STK39: variants seen among roughly 807,000 people sequenced by gnomAD.
STK39 encodes the protein serine/threonine kinase 39, also known as STE20/SPS1-related proline-alanine-rich protein kinase.
In STK39, 20 loss-of-function variants were observed where a neutral mutation model predicts 77.8. The ratio of observed to expected loss-of-function variants is 0.26; its 90% confidence interval spans 0.18 to 0.37. STK39 has a LOEUF of 0.37. Among genes scored for constraint, STK39 ranks in the 10% least tolerant of loss-of-function variants. The pLI is 1.00. For missense variants in STK39, 479 were observed against 656.5 expected, an observed-to-expected ratio of 0.73 and a Z score of 2.95; for synonymous variants, 246 against 234.1, an observed-to-expected ratio of 1.05 and a Z score of -0.47.
At chr2:168,058,736 C>T (rs1024250547) in intron 14 of STK39, among the ~76,000 whole-genome samples, 6 of 152,240 alleles carry the variant, frequency 3.9e-5, no homozygotes, top group African/African-American at 1.4e-4. Context: ...TAATTGCTTA[C>T]CACTTCCGTT....
At chr2:168,001,014 G>C (rs1004382965) in intron 16 of STK39, among the ~76,000 whole-genome samples, 11 of 152,106 alleles carry the variant, frequency 7.2e-5, no homozygotes, top group African/African-American at 2.7e-4. Context: ...GTGTCAGAAG[G>C]GTACACTGGC....
intron 10 of STK39, among the ~76,000 whole-genome samples, chr2:168,096,518 A>G (rs1346944686): frequency 6.6e-6 from 1 of 152,224 alleles, no homozygotes; most frequent in Non-Finnish European, 1.5e-5. Flanking sequence ...TCTACCCTGG[A>G]AAAACAAAAC....
chr2:168,196,121 C>G (rs1242573556), intron 1 of STK39, among the ~76,000 whole-genome samples: 2 of 152,234 alleles, frequency 1.3e-5, no homozygotes, highest in Non-Finnish European at 2.9e-5. Context: ...TATAATAATG[C>G]CTTCCTCACA....
chr2:168,033,405 C>T (rs1354929321), intron 14 of STK39, among the ~76,000 whole-genome samples: 2 of 152,202 alleles, frequency 1.3e-5, no homozygotes, highest in East Asian at 3.8e-4. Context: ...ACTATTCCTC[C>T]TGAGCAGTGA....
intron 10 of STK39, among the ~76,000 whole-genome samples, chr2:168,129,226 G>A (rs1036098311): frequency 6.6e-6 from 1 of 152,098 alleles, no homozygotes; most frequent in Non-Finnish European, 1.5e-5. Context: ...AAAACCCAAA[G>A]GAAAGACGTT....
chr2:168,223,702 T>TG (rs1690235214), intron 1 of STK39, among the ~76,000 whole-genome samples: 1 of 152,030 alleles, frequency 6.6e-6, no homozygotes, highest in Non-Finnish European at 1.5e-5. Context: ...TCCAAGTCTC[T>TG]GCCTCCTGAT....
At chr2:168,037,526 C>T (rs958578846) in intron 14 of STK39, among the ~76,000 whole-genome samples, 20 of 151,958 alleles carry the variant, frequency 1.3e-4, no homozygotes, top group African/African-American at 2.2e-4. Context: ...TTTATGGTGG[C>T]GAAAATCTGG....
At chr2:168,072,505 C>A (rs1307860695) in intron 12 of STK39, among the ~76,000 whole-genome samples, 1 of 152,164 alleles carries the variant, frequency 6.6e-6, no homozygotes, top group African/African-American at 2.4e-5. Flanking sequence ...TTGTAACAAA[C>A]CACATAATTT....
chr2:167,955,637 C>A, intron 17 of STK39, 67 bp from the exon 18 acceptor site: 1 of 1,515,072 alleles, frequency 6.6e-7, no homozygotes, highest in Non-Finnish European at 9.1e-7. Flanking sequence ...AGTCTTGTTC[C>A]TATGATGGCA....
chr2:168,079,690 A>G lies in STK39; in HGVS notation c.1090-4459T>C, dbSNP rs117202535. ...CACAAAATCAGAATCTTCCTTTTCA[A>G]TAAGATCCCCCAGGGGTCATATTCT... On this transcript the variant is annotated intron_variant, in intron 10 of 17. Coordinates refer to ENST00000355999, the MANE Select transcript of STK39 (RefSeq NM_013233.3). Among the ~76,000 whole-genome samples, 443 of 152,358 alleles carry G rather than the reference A, an allele frequency of 2.9e-3. 5 individuals are homozygous for G. The highest frequency in any genetic ancestry group is 0.015 in the East Asian group (76 of 5,190).
intron 1 of STK39, among the ~76,000 whole-genome samples, chr2:168,186,225 C>A (rs1211854935): frequency 6.6e-6 from 1 of 152,144 alleles, no homozygotes; most frequent in East Asian, 1.9e-4. Context: ...TGTTTACAAG[C>A]CAGCAAGAGA....
intron 1 of STK39, among the ~76,000 whole-genome samples, chr2:168,228,032 G>C (rs1274577122): frequency 6.6e-6 from 1 of 152,042 alleles, no homozygotes; most frequent in Non-Finnish European, 1.5e-5. Flanking sequence ...GAAGACAAAA[G>C]GCAAAGTATA....
chr2:168,172,377 C>A (rs1303215845), intron 2 of STK39, among the ~76,000 whole-genome samples: 1 of 152,126 alleles, frequency 6.6e-6, no homozygotes, highest in African/African-American at 2.4e-5. Context: ...ATGGATAGGT[C>A]ATTTGGTCAT....
intron 2 of STK39, among the ~76,000 whole-genome samples, chr2:168,170,233 A>G (rs1028662150): frequency 3.9e-5 from 6 of 152,154 alleles, no homozygotes; most frequent in African/African-American, 7.2e-5. Context: ...GTAACAATCT[A>G]TTGGTTAAAT....
intron 1 of STK39, among the ~76,000 whole-genome samples, chr2:168,245,814 A>G (rs1394430200): frequency 6.6e-6 from 1 of 152,252 alleles, no homozygotes; most frequent in African/African-American, 2.4e-5. Flanking sequence ...ATGAAGACTC[A>G]TCCCTTTAGA....
At chr2:168,022,101 CTTTTCTTTATAACTACATAG>C (rs139989236) in intron 14 of STK39, among the ~76,000 whole-genome samples, 3,048 of 152,168 alleles carry the variant, frequency 0.02, 104 homozygotes, top group African/African-American at 0.069. Context: ...TTTTCTCATT[CTTTTCTTTATAACTACATAG>C]TTTTCTCTGG....
chr2:168,081,836 A>G (rs1381631521), intron 10 of STK39, among the ~76,000 whole-genome samples: 1 of 152,156 alleles, frequency 6.6e-6, no homozygotes, highest in African/African-American at 2.4e-5. Flanking sequence ...TGGTTTTAAA[A>G]AGAGAAGTTC....
intron 12 of STK39, among the ~76,000 whole-genome samples, chr2:168,066,184 C>T (rs1312981227): frequency 6.6e-6 from 1 of 152,152 alleles, no homozygotes; most frequent in Admixed American, 6.5e-5. Flanking sequence ...AAAATTCTTA[C>T]TCTCCATGCT....
intron 12 of STK39, 114 bp from the exon 13 acceptor site, chr2:168,065,495 A>C: frequency 9.1e-7 from 1 of 1,101,760 alleles, no homozygotes; most frequent in Non-Finnish European, 1.4e-6. Context: ...ATCATAAAGC[A>C]ATATTTACCA....
Sources: gnomAD v4.1 joint callset for allele counts (sites outside exome capture counted in the v4.1 genomes callset) on GRCh38, gnomAD v4.1.1 for gene constraint, MANE v1.5 for transcripts, NCBI Gene and HGNC (gene_info 2026-07-23, HGNC 2026-07-21) for gene names.